LINGO2: variants seen among roughly 807,000 people sequenced by gnomAD.
LINGO2 encodes leucine-rich repeat and immunoglobulin-like domain-containing nogo receptor-interacting protein 2.
A neutral mutation model predicts 30.6 loss-of-function variants in LINGO2; 14 were observed. The ratio of observed to expected loss-of-function variants is 0.46; its 90% CI spans 0.30 to 0.72. The LOEUF is 0.72. Among genes scored for constraint, LINGO2 ranks in the 30% least tolerant of loss-of-function variants. The probability of loss-of-function intolerance (pLI) is 0.07; values close to 1 mark genes in which losing one functional copy is unlikely to be tolerated. For missense variants in LINGO2, 729 were observed against 751.7 expected (o/e 0.97, Z 0.35); for synonymous variants, 317 against 288.5 (o/e 1.10, Z -1.00).
At chr9:28,579,307 G>T (rs1310545469) in intron 1 of LINGO2, among the ~76,000 whole-genome samples, 2 of 151,916 alleles carry the variant, frequency 1.3e-5, no homozygotes, top group African/African-American at 4.8e-5. Flanking sequence ...TTATAGGAAT[G>T]GTTTAAGGAG....
intron 4 of LINGO2, among the ~76,000 whole-genome samples, chr9:28,054,724 C>T (rs1486436371): frequency 6.6e-6 from 1 of 152,090 alleles, no homozygotes; most frequent in African/African-American, 2.4e-5. Context: ...AAGTTAAAAA[C>T]CCAATAGCTT....
the LINGO2 span, among the ~76,000 whole-genome samples, chr9:28,771,653 G>C: frequency 3.9e-5 from 6 of 152,010 alleles, no homozygotes; most frequent in South Asian, 1.2e-3. Context: ...ATCAATTAAA[G>C]GGGAATAATA....
chr9:28,031,761 C>T (rs757713030), intron 4 of LINGO2, among the ~76,000 whole-genome samples: 2 of 152,306 alleles, frequency 1.3e-5, no homozygotes, highest in East Asian at 1.9e-4. Flanking sequence ...CCTTTCAGTG[C>T]TGTATGGCAG....
At chr9:28,973,312 T>TG in the LINGO2 span, among the ~76,000 whole-genome samples, 90 of 152,078 alleles carry the variant, frequency 5.9e-4, no homozygotes, top group Non-Finnish European at 1.1e-3. Context: ...TAACATACAA[T>TG]GGTGCTCCAA....
chr9:28,596,004 G>A (rs944989735), intron 1 of LINGO2, among the ~76,000 whole-genome samples: 10 of 152,094 alleles, frequency 6.6e-5, no homozygotes, highest in Admixed American at 6.6e-4. Flanking sequence ...AATGCACACT[G>A]TGAATACATG....
intron 4 of LINGO2, among the ~76,000 whole-genome samples, chr9:28,202,216 GA>G (rs1352882710): frequency 6.6e-6 from 1 of 152,004 alleles, no homozygotes; most frequent in African/African-American, 2.4e-5. Context: ...TATTTCTAAG[GA>G]AAGTCACATT....
intron 5 of LINGO2, among the ~76,000 whole-genome samples, chr9:27,981,797 T>G (rs1234879392): frequency 6.6e-6 from 1 of 151,718 alleles, no homozygotes. Context: ...CCTTGGTTTT[T>G]AGAAGCTATA....
intron 4 of LINGO2, among the ~76,000 whole-genome samples, chr9:28,211,926 T>C (rs1450272565): frequency 6.6e-6 from 1 of 151,336 alleles, no homozygotes; most frequent in Non-Finnish European, 1.5e-5. Context: ...TTCTCATGCT[T>C]AATTTTTTTT....
At chr9:27,986,765 C>A (rs372814745) in intron 5 of LINGO2, among the ~76,000 whole-genome samples, 38 of 151,924 alleles carry the variant, frequency 2.5e-4, no homozygotes, top group African/African-American at 9.2e-4. Context: ...ATTCCAAAAT[C>A]AACATGGTAA....
chr9:27,951,927 T>C lies in LINGO2; in HGVS notation c.-35-1221A>G, dbSNP rs183827698. 3.4e-3 allele frequency among the ~76,000 whole-genome samples: 522 copies of C among 152,166 alleles called. 1 individual carries two copies. The highest frequency in any genetic ancestry group is 0.01 in the Middle Eastern group (3 of 294). ...AAATTTATGAATAAAAAATAACAAG[T>C]AGGATCAAACTTAATGGTGAATCAC... is the stretch of plus-strand genomic sequence containing the variant. On this transcript the variant is annotated intron_variant, in intron 5 of 5. Transcript: ENST00000379992.
At chr9:28,406,205 G>A (rs553257679) in intron 2 of LINGO2, among the ~76,000 whole-genome samples, 29 of 152,246 alleles carry the variant, frequency 1.9e-4, no homozygotes, top group African/African-American at 6.0e-4. Flanking sequence ...TAGGGAGGAG[G>A]TGGGCAGATC....
intron 2 of LINGO2, among the ~76,000 whole-genome samples, chr9:28,435,312 A>G (rs1823880768): frequency 6.6e-6 from 1 of 152,184 alleles, no homozygotes; most frequent in South Asian, 2.1e-4. Flanking sequence ...GTACCTTTAT[A>G]ATGTTGTTAT....
At chr9:29,010,263 A>C in the LINGO2 span, among the ~76,000 whole-genome samples, 1 of 152,302 alleles carries the variant, frequency 6.6e-6, no homozygotes, top group East Asian at 1.9e-4. Flanking sequence ...AATGGGAGAA[A>C]ATTTTTACAA....
At chr9:29,099,330 T>G in the LINGO2 span, among the ~76,000 whole-genome samples, 1 of 152,246 alleles carries the variant, frequency 6.6e-6, no homozygotes, top group Middle Eastern at 3.4e-3. Flanking sequence ...GGGCAAAGAC[T>G]TCTTGAGCGA....
chr9:28,376,901 T>G (rs544147609), intron 2 of LINGO2, among the ~76,000 whole-genome samples: 1 of 152,298 alleles, frequency 6.6e-6, no homozygotes, highest in East Asian at 1.9e-4. Context: ...AACATTTTTG[T>G]GTATGCAGTA....
chr9:28,677,261 C>G, the LINGO2 span, among the ~76,000 whole-genome samples: 1 of 152,082 alleles, frequency 6.6e-6, no homozygotes, highest in Non-Finnish European at 1.5e-5. Context: ...TTAAAAGATA[C>G]CAATAATGGC....
chr9:29,152,037 C>T, the LINGO2 span, among the ~76,000 whole-genome samples: 2 of 152,098 alleles, frequency 1.3e-5, no homozygotes, highest in African/African-American at 4.8e-5. Context: ...AGAAGACATA[C>T]AAGTGGCCAA....
intron 1 of LINGO2, among the ~76,000 whole-genome samples, chr9:28,615,951 G>C (rs1452478417): frequency 6.6e-6 from 1 of 152,036 alleles, no homozygotes; most frequent in East Asian, 1.9e-4. Flanking sequence ...TAAAAAACTG[G>C]AGAAACTAAG....
intron 4 of LINGO2, among the ~76,000 whole-genome samples, chr9:28,185,120 C>T (rs1186844402): frequency 6.6e-6 from 1 of 152,130 alleles, no homozygotes; most frequent in African/African-American, 2.4e-5. Flanking sequence ...ATAGTGTCTT[C>T]AGAACATTAT....
Sources: allele counts gnomAD v4.1 joint callset (sites outside exome capture counted in the v4.1 genomes callset), GRCh38; gene constraint gnomAD v4.1.1; transcripts MANE v1.5; gene names NCBI Gene and HGNC (gene_info 2026-07-23, HGNC 2026-07-21).